KCNH8: variants seen among roughly 807,000 people sequenced by gnomAD.
KCNH8 encodes voltage-gated delayed rectifier potassium channel KCNH8.
Under a neutral mutation model 103.6 loss-of-function variants are expected in KCNH8, and 70 were observed. The observed-to-expected ratio is 0.68, with a 90% CI of 0.56 to 0.82. KCNH8 has a LOEUF of 0.82. KCNH8 is among the 40% of genes least tolerant of loss of function. The pLI is 0.00. For synonymous variants in KCNH8, 498 were observed against 489.4 expected (o/e 1.02, Z -0.23); for missense variants, 1,217 against 1,329.9 (o/e 0.92, Z 1.32).
intron 7 of KCNH8, among the ~76,000 whole-genome samples, chr3:19,398,968 G>C (rs555096400): frequency 6.6e-6 from 1 of 152,060 alleles, no homozygotes; most frequent in Non-Finnish European, 1.5e-5. Context: ...TATCTTCAAA[G>C]TAATTTATCT....
chr3:19,175,534 T>G (rs1379592828), intron 1 of KCNH8, among the ~76,000 whole-genome samples: 1 of 152,204 alleles, frequency 6.6e-6, no homozygotes, highest in Non-Finnish European at 1.5e-5. Flanking sequence ...TTATCGGTCA[T>G]GCTTTTTTGT....
chr3:19,473,433 T>C (rs912508470), intron 11 of KCNH8, among the ~76,000 whole-genome samples: 1 of 152,222 alleles, frequency 6.6e-6, no homozygotes. Flanking sequence ...CTTATTTGCT[T>C]GTAAATCCAT....
chr3:19,451,561 T>C (rs2067448555), intron 10 of KCNH8, among the ~76,000 whole-genome samples, 157 bp downstream of exon 10: 1 of 152,192 alleles, frequency 6.6e-6, no homozygotes, highest in South Asian at 2.1e-4. Flanking sequence ...GCCTATGTGT[T>C]ATATCCAACA....
At chr3:19,239,678 C>CTATCTATCTATG (rs1331290383) in intron 1 of KCNH8, among the ~76,000 whole-genome samples, 2,181 of 151,706 alleles carry the variant, frequency 0.014, 64 homozygotes, top group African/African-American at 0.05. Flanking sequence ...ATCTATCTAT[C>CTATCTATCTATG]TATCTACCTA....
intron 3 of KCNH8, among the ~76,000 whole-genome samples, chr3:19,325,944 C>T (rs910222249): frequency 3.3e-5 from 5 of 152,098 alleles, no homozygotes; most frequent in Middle Eastern, 3.2e-3. Flanking sequence ...ACCTAAATGT[C>T]CATCAATGAT....
intron 3 of KCNH8, among the ~76,000 whole-genome samples, chr3:19,289,848 T>A (rs895630355): frequency 1.2e-4 from 19 of 152,310 alleles, no homozygotes; most frequent in Non-Finnish European, 2.6e-4. Flanking sequence ...GTATGGCCAT[T>A]TTCACGATAT....
intron 2 of KCNH8, among the ~76,000 whole-genome samples, chr3:19,254,735 C>G (rs1321116032): frequency 6.6e-6 from 1 of 152,036 alleles, no homozygotes; most frequent in Non-Finnish European, 1.5e-5. Context: ...CTTTCCTTTT[C>G]CCTTGTAGTA....
At chr3:19,244,146 A>G (rs1011460815) in intron 1 of KCNH8, among the ~76,000 whole-genome samples, 2 of 152,188 alleles carry the variant, frequency 1.3e-5, no homozygotes, top group African/African-American at 2.4e-5. Context: ...ATTATACTAA[A>G]TGAAAATTGT....
chr3:19,201,461 G>A lies in KCNH8; in HGVS notation c.77-52193G>A, dbSNP rs894579387. Among the ~76,000 whole-genome samples, 52 of 151,954 alleles carry A rather than the reference G, an allele frequency of 3.4e-4. 1 individual carries two copies. The highest frequency in any genetic ancestry group is 1.2e-3 in the African/African-American group (48 of 41,406). On this transcript the variant is annotated intron_variant, in intron 1 of 15. Transcript: ENST00000328405. ...CCACAGCCTTCTCTCCTCCAAGGAT[G>A]CTGTATGTCCGTTTTATACATAAGA... is the stretch of plus-strand genomic sequence containing the variant.
intron 1 of KCNH8, among the ~76,000 whole-genome samples, chr3:19,209,713 GTGTA>G (rs140840370): frequency 0.041 from 6,165 of 152,102 alleles, 436 homozygotes; most frequent in African/African-American, 0.14. Context: ...TTATAGGGAG[GTGTA>G]TGTATTGTCA....
chr3:19,284,908 AAAG>A (rs2064810427), intron 3 of KCNH8, among the ~76,000 whole-genome samples: 2 of 149,660 alleles, frequency 1.3e-5, no homozygotes, highest in Non-Finnish European at 2.9e-5. Context: ...AAAGAAAAGG[AAAG>A]AAAGAAAAGA....
chr3:19,275,498 C>T (rs533055156), intron 2 of KCNH8, among the ~76,000 whole-genome samples: 73 of 152,054 alleles, frequency 4.8e-4, no homozygotes, highest in African/African-American at 1.6e-3. Context: ...ATTGACCCGA[C>T]GTAAATTCAG....
At chr3:19,158,464 A>G (rs888943001) in intron 1 of KCNH8, among the ~76,000 whole-genome samples, 28 of 151,822 alleles carry the variant, frequency 1.8e-4, no homozygotes, top group African/African-American at 5.8e-4. Flanking sequence ...TAAGTATCAG[A>G]TTTTCTAATT....
intron 2 of KCNH8, among the ~76,000 whole-genome samples, chr3:19,264,660 G>A (rs905117405): frequency 6.6e-6 from 1 of 152,030 alleles, no homozygotes; most frequent in Non-Finnish European, 1.5e-5. Flanking sequence ...CTTCTTCAAA[G>A]TCAGCCTTAG....
intron 11 of KCNH8, among the ~76,000 whole-genome samples, chr3:19,474,433 G>C (rs369821294): frequency 6.6e-6 from 1 of 152,062 alleles, no homozygotes; most frequent in African/African-American, 2.4e-5. Context: ...CCAAAAGAGC[G>C]GCAGCTTTGA....
chr3:19,181,682 C>T (rs2063454648), intron 1 of KCNH8, among the ~76,000 whole-genome samples: 1 of 151,992 alleles, frequency 6.6e-6, no homozygotes, highest in Admixed American at 6.6e-5. Flanking sequence ...AGCAAACAAA[C>T]AAATTTAAAA....
chr3:19,501,345 G>A (rs1435625646), intron 11 of KCNH8, among the ~76,000 whole-genome samples: 1 of 152,166 alleles, frequency 6.6e-6, no homozygotes, highest in South Asian at 2.1e-4. Flanking sequence ...TCTACCAGAG[G>A]TGCAAGGAGG....
At position 19,148,661 on chromosome 3, in the gene KCNH8, C is replaced by G. The variant is rs2063099081; in HGVS notation, c.-59C>G. On this transcript the variant is annotated 5_prime_UTR_variant, in exon 1 of 16. Coordinates refer to ENST00000328405, the MANE Select transcript of KCNH8 (RefSeq NM_144633.3). ...TCCCCTTCTCCCTTCTTGGCACTTT[C>G]CTTTCGAACCATCCTTCTGGACAAA... 77 of 1,547,628 alleles carry G rather than the reference C, an allele frequency of 5.0e-5. 3 individuals carry two copies. The South Asian group carries it at 7.5e-4, about 15-fold the overall frequency.
intron 5 of KCNH8, among the ~76,000 whole-genome samples, chr3:19,388,374 AC>A (rs1194648385): frequency 6.6e-6 from 1 of 152,046 alleles, no homozygotes; most frequent in African/African-American, 2.4e-5. Context: ...ATGCGGAAGT[AC>A]CTGAGCCTAG....
Sources: gnomAD v4.1 joint callset for allele counts (sites outside exome capture counted in the v4.1 genomes callset) on GRCh38, gnomAD v4.1.1 for gene constraint, MANE v1.5 for transcripts, NCBI Gene and HGNC (gene_info 2026-07-23, HGNC 2026-07-21) for gene names.